The following PTPN4 variants were observed in gnomAD, a reference collection of about 807,000 sequenced individuals.
The protein encoded by PTPN4 is protein tyrosine phosphatase non-receptor type 4.
In PTPN4, 49 loss-of-function variants were observed where a neutral mutation model predicts 135.5. That is an observed-to-expected ratio of 0.36 (90% CI 0.29 to 0.46). The LOEUF is 0.46. Ranked by LOEUF, PTPN4 falls within the 20% of genes least tolerant of loss-of-function variation. The pLI is 1.00. For synonymous variants in PTPN4, 333 were observed against 369.9 expected (o/e 0.90, Z 1.14); for missense variants, 860 against 1,101.0 (o/e 0.78, Z 3.10).
chr2:119,918,821 A>G (rs1056764904), intron 11 of PTPN4, among the ~76,000 whole-genome samples: 5 of 152,256 alleles, frequency 3.3e-5, no homozygotes, highest in Non-Finnish European at 7.3e-5. Flanking sequence ...TCCCCAAACT[A>G]GAAATATAAA....
chr2:119,937,374 C>T (rs1220231970), intron 15 of PTPN4, among the ~76,000 whole-genome samples: 1 of 151,950 alleles, frequency 6.6e-6, no homozygotes, highest in African/African-American at 2.4e-5. Context: ...CAGATAAAAT[C>T]ATCTTACCAA....
Position 119,956,880 on chromosome 2 carries a change from T to A in PTPN4, c.2017T>A (p.Cys673Ser), listed in dbSNP as rs143794214. 2.4e-4 allele frequency: 383 copies of A among 1,609,042 alleles called. No individual in the cohort carries two copies. The highest frequency in any genetic ancestry group is 3.1e-4 in the Non-Finnish European group (369 of 1,178,874). The stretch of plus-strand genomic sequence containing the variant: ...GAAAAAACCTGGAATGACAATGTCC[T>A]GTGCCAAATTACCTCAGAATATTTC... ...YRKKPGMTMS[C>S]AKLPQNISKN... The change falls in exon 21 of 27, where the codon TGT becomes AGT. Residue 673 changes from cysteine (C) to serine (S), a missense_variant. By Grantham distance (112) the Cys-to-Ser change is moderately radical (BLOSUM62 -1). Transcript: ENST00000263708.
intron 3 of PTPN4, among the ~76,000 whole-genome samples, chr2:119,869,416 T>G (rs1204943799): frequency 6.6e-6 from 1 of 152,246 alleles, no homozygotes; most frequent in Non-Finnish European, 1.5e-5. Flanking sequence ...TTGGGAGCAG[T>G]ATCTCTACTT....
At chr2:119,868,934 T>G (rs1677870866) in intron 3 of PTPN4, among the ~76,000 whole-genome samples, 1 of 152,142 alleles carries the variant, frequency 6.6e-6, no homozygotes, top group Non-Finnish European at 1.5e-5. Flanking sequence ...CACCACTGGG[T>G]TAGGGTCTCC....
intron 1 of PTPN4, among the ~76,000 whole-genome samples, chr2:119,766,446 G>GCGCA (rs1553430831): frequency 5.4e-5 from 4 of 74,350 alleles, no homozygotes; most frequent in African/African-American, 1.4e-4. Context: ...GCGCATGTGC[G>GCGCA]CGCGTGTGTG....
chr2:119,860,141 A>T (rs1385701122), intron 2 of PTPN4, among the ~76,000 whole-genome samples: 1 of 152,214 alleles, frequency 6.6e-6, no homozygotes, highest in African/African-American at 2.4e-5. Context: ...AGTAGCTTTT[A>T]AAAAAGATTA....
chr2:119,955,966 A>G (rs1679276262), intron 20 of PTPN4, among the ~76,000 whole-genome samples: 1 of 151,222 alleles, frequency 6.6e-6, no homozygotes, highest in South Asian at 2.1e-4. Flanking sequence ...AAATAAATAA[A>G]TAAATAAATA....
At chr2:119,836,631 AG>A (rs1175211987) in intron 2 of PTPN4, among the ~76,000 whole-genome samples, 1 of 152,198 alleles carries the variant, frequency 6.6e-6, no homozygotes, top group East Asian at 1.9e-4. Flanking sequence ...GCAGCTGCCC[AG>A]CCACGGCTGC....
chr2:119,984,067 C>CT lies in PTPN4; in HGVS notation c.*6998dup, dbSNP rs746466526. Reference sequence around the variant, plus strand: ...TGTTTTTATTTTCTGCCAGTAGACTCTATCTGCTTAAAAAAATAAAAATTG... The same window carrying CT: ...TGTTTTTATTTTCTGCCAGTAGACTCTTATCTGCTTAAAAAAATAAAAATTG... On this transcript the variant is annotated 3_prime_UTR_variant, in exon 27 of 27. Coordinates refer to ENST00000263708, the MANE Select transcript of PTPN4 (RefSeq NM_002830.4). Among the ~76,000 whole-genome samples the CT allele has an allele frequency of 3.3e-5, 5 of 152,136 alleles. No individual in the cohort carries two copies. The highest frequency in any genetic ancestry group is 1.3e-4 in the Admixed American group (2 of 15,264).
At chr2:119,772,197 T>C (rs1690748887) in intron 1 of PTPN4, among the ~76,000 whole-genome samples, 1 of 152,220 alleles carries the variant, frequency 6.6e-6, no homozygotes, top group African/African-American at 2.4e-5. Context: ...TGCAGTCAGT[T>C]ATAGTGGCTT....
intron 15 of PTPN4, among the ~76,000 whole-genome samples, chr2:119,935,838 A>C (rs1366071334): frequency 6.6e-6 from 1 of 152,202 alleles, no homozygotes; most frequent in Non-Finnish European, 1.5e-5. Flanking sequence ...TTTTAAAATT[A>C]CATACTTCTG....
rs572299265 is a variant in PTPN4, at chr2:119,783,792, C to T, written c.-18+23408C>T. ...AAGTTATTGTTGCTGCATAACCATG[C>T]CAACATTTAGTAGCATAAGTTAATC... On this transcript the variant is annotated intron_variant, in intron 1 of 26. Coordinates refer to ENST00000263708, the MANE Select transcript of PTPN4 (RefSeq NM_002830.4). Among the ~76,000 whole-genome samples the T allele has an allele frequency of 8.5e-5, 13 of 152,302 alleles. No individual in the cohort carries two copies. The South Asian group carries it at 2.3e-3, about 27-fold the overall frequency.
intron 3 of PTPN4, among the ~76,000 whole-genome samples, chr2:119,864,679 A>C (rs1677807194): frequency 6.6e-6 from 1 of 152,154 alleles, no homozygotes; most frequent in African/African-American, 2.4e-5. Flanking sequence ...AAGAGATAAA[A>C]ATTCTATCAC....
At chr2:119,851,466 G>A (rs1401137731) in intron 2 of PTPN4, among the ~76,000 whole-genome samples, 1 of 152,190 alleles carries the variant, frequency 6.6e-6, no homozygotes, top group Non-Finnish European at 1.5e-5. Flanking sequence ...GGACTTTATA[G>A]GACTTCTGGC....
intron 3 of PTPN4, among the ~76,000 whole-genome samples, chr2:119,865,211 A>T (rs1677814296): frequency 6.6e-6 from 1 of 152,148 alleles, no homozygotes; most frequent in Non-Finnish European, 1.5e-5. Context: ...TTGTAAGTAG[A>T]GTTCCAATTC....
chr2:119,830,369 T>C (rs1677200713), intron 2 of PTPN4, among the ~76,000 whole-genome samples: 1 of 152,104 alleles, frequency 6.6e-6, no homozygotes, highest in African/African-American at 2.4e-5. Context: ...GGGAGGTGAT[T>C]GGATCATAAG....
At chr2:119,923,993 C>G (rs1015014359) in intron 12 of PTPN4, among the ~76,000 whole-genome samples, 1 of 151,798 alleles carries the variant, frequency 6.6e-6, no homozygotes, top group African/African-American at 2.4e-5. Context: ...AAAAATTAGC[C>G]GGGCGTAGTG....
chr2:119,781,930 T>A (rs1437223787), intron 1 of PTPN4, among the ~76,000 whole-genome samples: 1 of 152,196 alleles, frequency 6.6e-6, no homozygotes, highest in Non-Finnish European at 1.5e-5. Flanking sequence ...GGAATGCTTT[T>A]TTTCCTGCGT....
At chr2:119,932,000 G>A (rs1231308519) in intron 13 of PTPN4, among the ~76,000 whole-genome samples, 2 of 152,108 alleles carry the variant, frequency 1.3e-5, no homozygotes, top group Admixed American at 6.5e-5. Context: ...AGTTATAGAA[G>A]CATTCAGGAG....
Sources: gnomAD v4.1 joint callset for allele counts (sites outside exome capture counted in the v4.1 genomes callset) on GRCh38, gnomAD v4.1.1 for gene constraint, MANE v1.5 for transcripts, NCBI Gene and HGNC (gene_info 2026-07-23, HGNC 2026-07-21) for gene names.